LPP: variants seen among roughly 807,000 people sequenced by gnomAD.
LPP encodes lipoma-preferred partner.
Under a neutral mutation model 60.4 loss-of-function variants are expected in LPP, and 38 were observed. The ratio of observed to expected loss-of-function variants is 0.63; its 90% CI spans 0.49 to 0.83. The LOEUF (loss-of-function observed/expected upper bound fraction) is 0.83. Ranked by LOEUF, LPP falls within the 40% of genes least tolerant of loss-of-function variation. The pLI is 0.00. For synonymous variants in LPP, 328 were observed against 290.8 expected, an observed-to-expected ratio of 1.13 and a Z score of -1.30; for missense variants, 902 against 783.6, an observed-to-expected ratio of 1.15 and a Z score of -1.80.
At chr3:188,408,546 T>G (rs981378700) in intron 4 of LPP, among the ~76,000 whole-genome samples, 1 of 152,200 alleles carries the variant, frequency 6.6e-6, no homozygotes, top group Non-Finnish European at 1.5e-5. Flanking sequence ...TTGTATCACT[T>G]TCTCCAAAAT....
At chr3:188,584,935 A>T (rs4686978) in intron 6 of LPP, among the ~76,000 whole-genome samples, 148,748 of 152,260 alleles carry the variant, frequency 0.98, 72,751 homozygotes, top group Middle Eastern at 1. Flanking sequence ...TTTTAAAACT[A>T]GGATGAAAGT....
chr3:188,832,357 A>G (rs1757339233), intron 9 of LPP, among the ~76,000 whole-genome samples: 1 of 152,110 alleles, frequency 6.6e-6, no homozygotes, highest in Non-Finnish European at 1.5e-5. Context: ...TAGGATCCTG[A>G]CTCACATACC....
chr3:188,754,434 G>A (rs1300437575), intron 8 of LPP, among the ~76,000 whole-genome samples: 3 of 152,134 alleles, frequency 2.0e-5, no homozygotes, highest in Non-Finnish European at 2.9e-5. Context: ...ACTCGTGGTT[G>A]AGCAGTCTGT....
chr3:188,635,337 G>A (rs1392748670), intron 7 of LPP, among the ~76,000 whole-genome samples: 1 of 152,158 alleles, frequency 6.6e-6, no homozygotes, highest in African/African-American at 2.4e-5. Context: ...AATACTGAGA[G>A]TTTGGATATG....
At chr3:188,482,845 T>A (rs1805207803) in intron 4 of LPP, among the ~76,000 whole-genome samples, 1 of 152,166 alleles carries the variant, frequency 6.6e-6, no homozygotes, top group African/African-American at 2.4e-5. Context: ...TCTAAAGTAG[T>A]AACAACATGC....
At chr3:188,384,768 C>T (rs62291442) in intron 3 of LPP, among the ~76,000 whole-genome samples, 66,238 of 142,212 alleles carry the variant, frequency 0.47, 15,424 homozygotes, top group East Asian at 0.68. Flanking sequence ...CCAGCCTGGG[C>T]GACAGAGCGA....
chr3:188,852,680 A>T (rs960457380), intron 9 of LPP, among the ~76,000 whole-genome samples: 14 of 152,192 alleles, frequency 9.2e-5, no homozygotes, highest in Non-Finnish European at 1.6e-4. Flanking sequence ...TGCTGGCACC[A>T]TGATCTTGGA....
At chr3:188,766,746 G>A (rs762137189) in intron 9 of LPP, among the ~76,000 whole-genome samples, 4 of 152,026 alleles carry the variant, frequency 2.6e-5, no homozygotes, top group Non-Finnish European at 4.4e-5. Context: ...ATTAATGTAC[G>A]CCCATTAGAG....
intron 6 of LPP, among the ~76,000 whole-genome samples, chr3:188,527,533 C>T (rs1236442337): frequency 5.3e-5 from 8 of 151,802 alleles, no homozygotes; most frequent in African/African-American, 1.9e-4. Flanking sequence ...GAAATAAGAC[C>T]AACTCTAGAA....
chr3:188,563,315 T>G (rs1831183991), intron 6 of LPP, among the ~76,000 whole-genome samples: 1 of 151,860 alleles, frequency 6.6e-6, no homozygotes, highest in South Asian at 2.1e-4. Context: ...TATATGAAGT[T>G]GAACATAACA....
At chr3:188,328,985 G>T (rs1759229538) in intron 2 of LPP, among the ~76,000 whole-genome samples, 2 of 152,132 alleles carry the variant, frequency 1.3e-5, no homozygotes, top group Non-Finnish European at 2.9e-5. Context: ...TCACTCCCTT[G>T]ATTCACTTTA....
intron 1 of LPP, among the ~76,000 whole-genome samples, chr3:188,218,094 A>G (rs1404167026): frequency 6.6e-6 from 1 of 152,172 alleles, no homozygotes; most frequent in Non-Finnish European, 1.5e-5. Flanking sequence ...GGAATCTTCA[A>G]TCTCCATGTG....
At chr3:188,239,594 G>C (rs1723134317) in intron 2 of LPP, among the ~76,000 whole-genome samples, 2 of 152,138 alleles carry the variant, frequency 1.3e-5, no homozygotes, top group Admixed American at 1.3e-4. Flanking sequence ...AGGCTCCTTA[G>C]TTCTATTTTG....
At chr3:188,643,146 T>C (rs150106393) in intron 7 of LPP, among the ~76,000 whole-genome samples, 2 of 152,298 alleles carry the variant, frequency 1.3e-5, no homozygotes, top group East Asian at 3.9e-4. Flanking sequence ...GAGCTAGAAA[T>C]TGAATATTCA....
chr3:188,217,477 C>T lies in LPP; in HGVS notation c.-189-7928C>T, dbSNP rs1399512001. On this transcript the variant is annotated intron_variant, in intron 1 of 11. Transcript: ENST00000617246. The surrounding 1 kb of genome is among the most constrained non-coding windows in gnomAD (Gnocchi z 4.0). Reference sequence around the variant, plus strand: ...TGGGTTATGTGTTACAGGCATCTTTCCAGCTGCTGTGGAGGGAACCTGATA... The same window carrying T: ...TGGGTTATGTGTTACAGGCATCTTTTCAGCTGCTGTGGAGGGAACCTGATA... Among the ~76,000 whole-genome samples the T allele has an allele frequency of 6.6e-6, 1 of 152,092 alleles. No individual in the cohort carries two copies. Among genetic ancestry groups the T allele is most frequent in the Non-Finnish European group, 1.5e-5 (1 of 68,024 alleles).
At chr3:188,839,750 C>T (rs897291364) in intron 9 of LPP, among the ~76,000 whole-genome samples, 13 of 151,996 alleles carry the variant, frequency 8.6e-5, no homozygotes, top group Non-Finnish European at 1.8e-4. Context: ...TGGTGGTGGG[C>T]GCCTGTAATC....
At position 188,876,963 on chromosome 3, in the gene LPP, T is replaced by C. The variant is rs985418971; in HGVS notation, c.*2484T>C. The C allele has an allele frequency of 5.6e-6, 1 of 178,528 alleles. No individual in the cohort carries two copies. Among genetic ancestry groups the C allele is most frequent in the African/African-American group, 2.4e-5 (1 of 42,264 alleles). 11.1% of individuals were successfully genotyped at this position (178,528 alleles called of 1,614,324 possible). A position where few individuals can be genotyped will look rare whatever the true frequency, so the allele number is the denominator to read the frequency against. ...TCTTATAACATAACCTCAGAGTATCTTTACCAAAGGTTTTTAAAGTAAATC... is the reference window on the plus strand; with the variant it reads ...TCTTATAACATAACCTCAGAGTATCCTTACCAAAGGTTTTTAAAGTAAATC... On this transcript the variant is annotated 3_prime_UTR_variant, in exon 12 of 12. Transcript: ENST00000617246.
chr3:188,790,833 A>AG, intron 9 of LPP, among the ~76,000 whole-genome samples: 1 of 151,194 alleles, frequency 6.6e-6, no homozygotes, highest in East Asian at 2.0e-4. Flanking sequence ...AAAAAAAAAA[A>AG]TGTTAGCATA....
chr3:188,474,469 A>G (rs914027021), intron 4 of LPP, among the ~76,000 whole-genome samples: 3 of 144,734 alleles, frequency 2.1e-5, no homozygotes, highest in Non-Finnish European at 4.7e-5. Context: ...GAAATAAATT[A>G]AATGCCCTAT....
Sources: allele counts gnomAD v4.1 joint callset (sites outside exome capture counted in the v4.1 genomes callset), GRCh38; gene constraint gnomAD v4.1.1; non-coding constraint Gnocchi (gnomAD v3.1); transcripts MANE v1.5; gene names NCBI Gene and HGNC (gene_info 2026-07-23, HGNC 2026-07-21).